Variants in SH3BP4 observed in about 807,000 individuals in gnomAD.
SH3BP4 encodes SH3 domain binding protein 4.
Under a neutral mutation model 65.5 loss-of-function variants are expected in SH3BP4, and 33 were observed. The observed-to-expected ratio is 0.50, with a 90% CI of 0.38 to 0.67. SH3BP4 has a LOEUF of 0.67. Ranked by LOEUF, SH3BP4 falls within the 30% of genes least tolerant of loss-of-function variation. The pLI is 0.00. For missense variants in SH3BP4, 1,134 were observed against 1,261.4 expected, an observed-to-expected ratio of 0.90 and a Z score of 1.53; for synonymous variants, 552 against 545.5, an observed-to-expected ratio of 1.01 and a Z score of -0.17.
rs569728895 is a variant in SH3BP4, at chr2:235,015,022, G to T, written c.-133+19646G>T. Among the ~76,000 whole-genome samples the T allele has an allele frequency of 2.0e-4, 31 of 152,302 alleles. No individual in the cohort carries two copies. The South Asian group carries it at 6.4e-3, about 32-fold the overall frequency. ...TGTTATCCTTTAACCCCTTGTTTGG[G>T]CCTTAAATGGCTCAAACAAATGCAA... On this transcript the variant is annotated intron_variant, in intron 2 of 5. Transcript: ENST00000392011.
rs778110762 is a variant in SH3BP4, at chr2:235,041,018, C to T, written c.249C>T (p.Tyr83=). The stretch of plus-strand genomic sequence containing the variant: ...AGTTCTCCAAGGGCGACCATCTCTA[C>T]GTCTTGGACACATCTGGCGGTGAGT... ...TLKFSKGDHL[Y]VLDTSGGEWW... Residue 83 remains tyrosine, a synonymous_variant, in exon 4 of 6, where the codon TAC becomes TAT. Transcript: ENST00000392011. This position sits in a 1 kb window ranked among gnomAD's most constrained non-coding sequence, Gnocchi z 6.0. The T allele has an allele frequency of 2.2e-5, 35 of 1,614,210 alleles. No individual in the cohort carries two copies. Among genetic ancestry groups the T allele is most frequent in the East Asian group, 8.9e-5 (4 of 44,878 alleles).
rs1397976059 is a variant in SH3BP4 at position 235,030,741 on chromosome 2, T to C, written c.-132-4130T>C. On this transcript the variant is annotated intron_variant, in intron 2 of 5. Transcript: ENST00000392011. This position sits in a 1 kb window ranked among gnomAD's most constrained non-coding sequence, Gnocchi z 4.1. ...GGGCAGCCCTGGGATGCTGGCTGCA[T>C]TCTCCATCCCGTGCCAGCCCCCTGT... 1.3e-5 allele frequency among the ~76,000 whole-genome samples: 2 copies of C among 152,102 alleles called. No individual in the cohort carries two copies. Among genetic ancestry groups the C allele is most frequent in the Non-Finnish European group, 2.9e-5 (2 of 68,004 alleles).
chr2:235,053,497 T>C, intron 5 of SH3BP4, 95 bp from the exon 6 acceptor site: 1 of 888,042 alleles, frequency 1.1e-6, no homozygotes, highest in Non-Finnish European at 1.8e-6. Context: ...TAGTGACTAC[T>C]GAAGCTGCAC....
In SH3BP4 at chr2:235,034,603, T is replaced by TC. The variant is rs1695312128; in HGVS notation, c.-132-268_-132-267insC. On this transcript the variant is annotated intron_variant, in intron 2 of 5. Transcript: ENST00000392011. The surrounding 1 kb of genome is among the most constrained non-coding windows in gnomAD (Gnocchi z 6.2). Reference sequence around the variant, plus strand: ...CTGGAGCACATTTCGCAAACACCCTTACGCCCCTAAGAAGAGCAGGTGCAA... The same window carrying TC: ...CTGGAGCACATTTCGCAAACACCCTTCACGCCCCTAAGAAGAGCAGGTGCAA... Among the ~76,000 whole-genome samples the TC allele has an allele frequency of 6.6e-6, 1 of 152,192 alleles. No homozygotes were observed. Among genetic ancestry groups the TC allele is most frequent in the South Asian group, 2.1e-4 (1 of 4,828 alleles).
chr2:235,041,276 A>G lies in SH3BP4; in HGVS notation c.507A>G (p.Pro169=), dbSNP rs3731645. The change falls in exon 4 of 6, where the codon CCA becomes CCG. Residue 169 remains proline, a synonymous_variant. Transcript: ENST00000392011. The surrounding 1 kb of genome is among the most constrained non-coding windows in gnomAD (Gnocchi z 6.0). ...NPFWNGVQTN[P]FLNGNVPVMP... ...TCTGGAATGGGGTCCAGACCAATCC[A>G]TTTCTGAATGGGAACGTGCCCGTCA... 226,564 of 1,613,898 alleles carry G rather than the reference A, an allele frequency of 0.14. 25,316 individuals are homozygous for G. The highest frequency in any genetic ancestry group is 0.45 in the East Asian group (20,032 of 44,844).
Position 235,030,552 on chromosome 2 carries a change from C to T in SH3BP4, c.-132-4319C>T, listed in dbSNP as rs990596536. On this transcript the variant is annotated intron_variant, in intron 2 of 5. Coordinates refer to ENST00000392011, the MANE Select transcript of SH3BP4 (RefSeq NM_014521.3). This position sits in a 1 kb window ranked among gnomAD's most constrained non-coding sequence, Gnocchi z 4.1. ...GTTGTTAGATGCCGTTAGAATCCAT[C>T]GGGGGAAGTGGGTGATCCAGGGGAG... Among the ~76,000 whole-genome samples the T allele has an allele frequency of 4.7e-5, 7 of 149,740 alleles. No individual in the cohort carries two copies. Among genetic ancestry groups the T allele is most frequent in the African/African-American group, 1.7e-4 (7 of 40,894 alleles).
intron 2 of SH3BP4, among the ~76,000 whole-genome samples, chr2:235,001,433 T>C (rs1432793266): frequency 6.6e-6 from 1 of 152,178 alleles, no homozygotes; most frequent in Non-Finnish European, 1.5e-5. Flanking sequence ...CGGGACCTAA[T>C]GGGGCCTCAA....
intron 1 of SH3BP4, among the ~76,000 whole-genome samples, chr2:234,986,016 T>C (rs114884785): frequency 7.0e-6 from 1 of 143,484 alleles, no homozygotes; most frequent in East Asian, 2.0e-4. Context: ...TCTACGAGAA[T>C]AGGGTCCACG....
chr2:235,000,558 C>G (rs1304432744), intron 2 of SH3BP4, among the ~76,000 whole-genome samples: 2 of 152,132 alleles, frequency 1.3e-5, no homozygotes, highest in Admixed American at 1.3e-4. Flanking sequence ...ATCTTGGGCT[C>G]GGGCTCTGAT....
intron 1 of SH3BP4, among the ~76,000 whole-genome samples, chr2:234,969,474 C>G (rs73997595): frequency 0.07 from 10,627 of 152,250 alleles, 937 homozygotes; most frequent in East Asian, 0.47. Context: ...TTCCTCCTGC[C>G]CATTCATTCG....
At chr2:234,964,410 G>A (rs554778668) in intron 1 of SH3BP4, among the ~76,000 whole-genome samples, 4 of 152,256 alleles carry the variant, frequency 2.6e-5, no homozygotes, top group African/African-American at 7.2e-5. Flanking sequence ...TCTGCATTCC[G>A]GGTGGGGGAG....
At chr2:234,962,895 A>G (rs1181068864) in intron 1 of SH3BP4, among the ~76,000 whole-genome samples, 1 of 151,830 alleles carries the variant, frequency 6.6e-6, no homozygotes, top group African/African-American at 2.4e-5. Context: ...TTAATATTTT[A>G]GTAGAGACAC....
At chr2:235,023,189 C>T (rs913980955) in intron 2 of SH3BP4, among the ~76,000 whole-genome samples, 5 of 152,114 alleles carry the variant, frequency 3.3e-5, no homozygotes, top group African/African-American at 7.2e-5. Flanking sequence ...TTCACTTGCT[C>T]GTAGCATGGC....
intron 3 of SH3BP4, among the ~76,000 whole-genome samples, chr2:235,039,012 G>A (rs1054304674): frequency 2.0e-5 from 3 of 152,128 alleles, no homozygotes; most frequent in Non-Finnish European, 2.9e-5. Flanking sequence ...CCTTATCTAC[G>A]TCTTTGCATT....
chr2:234,997,869 T>A lies in SH3BP4; in HGVS notation c.-133+2493T>A, dbSNP rs1034139857. ...TGGGTGCGGTGGCTCATGCCTGTAA[T>A]CCCAGCACTTTGGGAGGCCGAGGTG... On this transcript the variant is annotated intron_variant, in intron 2 of 5. Transcript: ENST00000392011. The surrounding 1 kb of genome is among the most constrained non-coding windows in gnomAD (Gnocchi z 4.2). Among the ~76,000 whole-genome samples the A allele has an allele frequency of 3.3e-5, 5 of 152,146 alleles. No individual in the cohort carries two copies. Among genetic ancestry groups the A allele is most frequent in the African/African-American group, 1.2e-4 (5 of 41,432 alleles).
chr2:235,050,995 A>G (rs1696033038), intron 4 of SH3BP4, among the ~76,000 whole-genome samples: 1 of 152,156 alleles, frequency 6.6e-6, no homozygotes, highest in Non-Finnish European at 1.5e-5. Context: ...GAGCCTCAGA[A>G]ACCGTCTCTG....
intron 2 of SH3BP4, among the ~76,000 whole-genome samples, chr2:235,000,832 A>G (rs1219055778): frequency 6.6e-6 from 1 of 152,248 alleles, no homozygotes; most frequent in Non-Finnish European, 1.5e-5. Flanking sequence ...CCCCACTGCC[A>G]GCAGCCTCTG....
chr2:235,047,499 C>T (rs1240953968), intron 4 of SH3BP4, among the ~76,000 whole-genome samples: 1 of 152,180 alleles, frequency 6.6e-6, no homozygotes, highest in Non-Finnish European at 1.5e-5. Context: ...TGAAAGGGAA[C>T]CCAGCTTTTT....
At chr2:234,965,831 G>C (rs1692821726) in intron 1 of SH3BP4, among the ~76,000 whole-genome samples, 1 of 152,200 alleles carries the variant, frequency 6.6e-6, no homozygotes, top group Non-Finnish European at 1.5e-5. Context: ...TTGCCAACTA[G>C]GCATGATGGG....
Sources: gnomAD v4.1 joint callset for allele counts (sites outside exome capture counted in the v4.1 genomes callset) on GRCh38, gnomAD v4.1.1 for gene constraint, Gnocchi (gnomAD v3.1) non-coding constraint, MANE v1.5 for transcripts, NCBI Gene and HGNC (gene_info 2026-07-23, HGNC 2026-07-21) for gene names.